TBC1D9: variants seen among roughly 807,000 people sequenced by gnomAD.
TBC1D9 encodes TBC1 domain family member 9A.
TBC1D9 carries 63 observed loss-of-function variants against 132.0 expected under a neutral mutation model. The ratio of observed to expected loss-of-function variants is 0.48; its 90% CI spans 0.39 to 0.59. The LOEUF (loss-of-function observed/expected upper bound fraction) is 0.59. TBC1D9 is among the 20% of genes least tolerant of loss of function. The pLI, the probability that TBC1D9 is intolerant of heterozygous loss-of-function variation, is 0.00. For synonymous variants in TBC1D9, 610 were observed against 609.9 expected, an observed-to-expected ratio of 1.00 and a Z score of 0.00; for missense variants, 1,261 against 1,592.7, an observed-to-expected ratio of 0.79 and a Z score of 3.54.
chr4:140,697,937 G>A (rs1738000082), intron 2 of TBC1D9, among the ~76,000 whole-genome samples: 1 of 152,162 alleles, frequency 6.6e-6, no homozygotes, highest in Non-Finnish European at 1.5e-5. Context: ...CCTGCTGCCT[G>A]CAAAGGATCT....
At chr4:140,708,133 A>T (rs535137281) in intron 1 of TBC1D9, among the ~76,000 whole-genome samples, 4 of 152,202 alleles carry the variant, frequency 2.6e-5, no homozygotes, top group Admixed American at 6.5e-5. Flanking sequence ...TTTGATGAAC[A>T]TTGGGAGAAA....
At chr4:140,678,873 C>T in intron 5 of TBC1D9, 69 bp downstream of exon 5, 1 of 1,543,570 alleles carries the variant, frequency 6.5e-7, no homozygotes, top group Non-Finnish European at 8.8e-7. Flanking sequence ...GAGAAGGTTA[C>T]ACTGAATAAA....
At chr4:140,698,987 T>G (rs1738021631) in intron 2 of TBC1D9, among the ~76,000 whole-genome samples, 1 of 152,202 alleles carries the variant, frequency 6.6e-6, no homozygotes, top group African/African-American at 2.4e-5. Context: ...CTCACTAGAC[T>G]GTACGTTTCT....
At chr4:140,750,716 A>C (rs1370614116) in intron 1 of TBC1D9, among the ~76,000 whole-genome samples, 16 of 152,120 alleles carry the variant, frequency 1.1e-4, no homozygotes. Context: ...ATTTTGCCCA[A>C]ATTTATTTAC....
intron 2 of TBC1D9, chr4:140,701,091 C>T: frequency 5.1e-6 from 1 of 195,892 alleles, no homozygotes; most frequent in East Asian, 1.1e-4. Context: ...TCTTCATTTC[C>T]CAGCTTCCTC....
intron 1 of TBC1D9, among the ~76,000 whole-genome samples, chr4:140,718,796 A>T (rs182937514): frequency 3.3e-5 from 5 of 152,320 alleles, no homozygotes; most frequent in Admixed American, 3.3e-4. Context: ...AAGTGGATTC[A>T]GTCTTGGCCT....
intron 13 of TBC1D9, chr4:140,641,842 A>ACGGGC: frequency 3.1e-6 from 1 of 317,502 alleles, no homozygotes; most frequent in South Asian, 3.6e-5. Flanking sequence ...GGCCATCCGC[A>ACGGGC]CGGGCCTCCT....
chr4:140,657,382 GA>G (rs921280186), intron 12 of TBC1D9, 144 bp downstream of exon 12: 1 of 1,349,108 alleles, frequency 7.4e-7, no homozygotes, highest in Non-Finnish European at 1.0e-6. Context: ...AATTTCTAAA[GA>G]AAAAGCATAT....
intron 1 of TBC1D9, among the ~76,000 whole-genome samples, chr4:140,734,287 C>T (rs1450101115): frequency 2.0e-5 from 3 of 152,150 alleles, no homozygotes; most frequent in African/African-American, 7.2e-5. Flanking sequence ...TGTCACCACA[C>T]TCAGCGAATT....
intron 16 of TBC1D9, among the ~76,000 whole-genome samples, chr4:140,631,848 C>T (rs1416078334): frequency 1.3e-5 from 2 of 152,280 alleles, no homozygotes; most frequent in East Asian, 1.9e-4. Flanking sequence ...CCACCCACCT[C>T]GGCCTCCCAA....
chr4:140,736,172 T>A (rs1461988190), intron 1 of TBC1D9, among the ~76,000 whole-genome samples: 1 of 147,930 alleles, frequency 6.8e-6, no homozygotes, highest in African/African-American at 2.5e-5. Context: ...AGGGAGAGAG[T>A]GAGGGGGAAG....
intron 20 of TBC1D9, 106 bp from the exon 21 acceptor site, chr4:140,623,023 G>T: frequency 1.5e-6 from 2 of 1,350,952 alleles, no homozygotes; most frequent in Non-Finnish European, 1.9e-6. Flanking sequence ...AAAGATCCCT[G>T]GAAAGTCCTC....
At chr4:140,708,068 A>G (rs1578849916) in intron 1 of TBC1D9, among the ~76,000 whole-genome samples, 1 of 152,182 alleles carries the variant, frequency 6.6e-6, no homozygotes, top group African/African-American at 2.4e-5. Flanking sequence ...AAAGCCTACA[A>G]TAATGTTCAG....
Position 140,716,917 on chromosome 4 carries a change from G to T in TBC1D9, c.131-15303C>A, listed in dbSNP as rs185166130. On this transcript the variant is annotated intron_variant, in intron 1 of 20. Transcript: ENST00000442267. Reference sequence around the variant, plus strand: ...TTAAACTGAGTTTAGAGTAATGGGGGCTGTAAAAAAAAAAAAAACACAAAC... The same window carrying T: ...TTAAACTGAGTTTAGAGTAATGGGGTCTGTAAAAAAAAAAAAAACACAAAC... 2.5e-3 allele frequency among the ~76,000 whole-genome samples: 337 copies of T among 132,490 alleles called. 5 individuals are homozygous for T. Among genetic ancestry groups the T allele is most frequent in the African/African-American group, 8.2e-3 (317 of 38,524 alleles). The allele number at this position is 132,490 out of a possible 152,430, so 86.9% of individuals were successfully genotyped here.
At chr4:140,722,756 A>G (rs1456771383) in intron 1 of TBC1D9, among the ~76,000 whole-genome samples, 1 of 152,168 alleles carries the variant, frequency 6.6e-6, no homozygotes, top group Non-Finnish European at 1.5e-5. Context: ...TTTAAATTTT[A>G]CTAGGAAAAG....
At chr4:140,652,370 C>G (rs1578825565) in intron 13 of TBC1D9, among the ~76,000 whole-genome samples, 1 of 152,294 alleles carries the variant, frequency 6.6e-6, no homozygotes, top group East Asian at 1.9e-4. Flanking sequence ...AGCTCTCCCC[C>G]TCCTCTAATT....
intron 13 of TBC1D9, among the ~76,000 whole-genome samples, chr4:140,650,561 T>C (rs1328715277): frequency 6.6e-6 from 1 of 152,212 alleles, no homozygotes; most frequent in Non-Finnish European, 1.5e-5. Flanking sequence ...AGATGGAGTT[T>C]CTCTCTTGTT....
intron 6 of TBC1D9, among the ~76,000 whole-genome samples, chr4:140,673,470 C>A (rs1305121026): frequency 6.6e-6 from 1 of 152,120 alleles, no homozygotes; most frequent in African/African-American, 2.4e-5. Context: ...TGGAGGGCAC[C>A]CTCCACTCAG....
intron 13 of TBC1D9, chr4:140,644,053 G>A: frequency 2.2e-6 from 1 of 444,558 alleles, no homozygotes; most frequent in South Asian, 2.1e-5. Flanking sequence ...TCGGGCGAGA[G>A]TGTCAGGCGC....
Sources: gnomAD v4.1 joint callset for allele counts (sites outside exome capture counted in the v4.1 genomes callset) on GRCh38, gnomAD v4.1.1 for gene constraint, MANE v1.5 for transcripts, NCBI Gene and HGNC (gene_info 2026-07-23, HGNC 2026-07-21) for gene names.